Variants in CCL28 observed in about 807,000 individuals in gnomAD.
The protein encoded by CCL28 is C-C motif chemokine 28.
Under a neutral mutation model 7.1 loss-of-function variants are expected in CCL28, and 4 were observed. The observed-to-expected ratio is 0.56, with a 90% confidence interval of 0.28 to 1.29. The LOEUF is 1.29. Ranked by LOEUF, CCL28 falls within the 50% of genes most tolerant of loss-of-function variation. CCL28 has a pLI of 0.11. For synonymous variants in CCL28, 55 were observed against 57.8 expected, an observed-to-expected ratio of 0.95 and a Z score of 0.22; for missense variants, 151 against 163.4, an observed-to-expected ratio of 0.92 and a Z score of 0.41.
chr5:43,357,411 G>C, the CCL28 span, among the ~76,000 whole-genome samples: 2 of 152,210 alleles, frequency 1.3e-5, no homozygotes, highest in African/African-American at 2.4e-5. Context: ...TCCAATTTCA[G>C]TGCAGGGAAG....
intron 1 of CCL28, among the ~76,000 whole-genome samples, chr5:43,396,515 T>C (rs1561162714): frequency 6.6e-6 from 1 of 152,142 alleles, no homozygotes; most frequent in Non-Finnish European, 1.5e-5. Context: ...GACAGAGACC[T>C]TGTCTCTAAT....
At chr5:43,359,680 C>T in the CCL28 span, among the ~76,000 whole-genome samples, 2 of 152,190 alleles carry the variant, frequency 1.3e-5, no homozygotes, top group Non-Finnish European at 1.5e-5. Context: ...TTCTATAATA[C>T]TTTACTGCTC....
intron 1 of CCL28, among the ~76,000 whole-genome samples, chr5:43,407,883 G>GA (rs1349670466): frequency 5.7e-5 from 5 of 87,526 alleles, no homozygotes; most frequent in African/African-American, 3.0e-4. Flanking sequence ...AACAGACCAT[G>GA]AAAAAATGCT....
downstream of CCL28, among the ~76,000 whole-genome samples, chr5:43,372,559 G>A (rs1739803592): frequency 6.6e-6 from 1 of 151,518 alleles, no homozygotes; most frequent in Non-Finnish European, 1.5e-5. Flanking sequence ...AGTAGAGATG[G>A]GGTTTCTCCA....
intron 1 of CCL28, among the ~76,000 whole-genome samples, chr5:43,393,128 C>T (rs906520212): frequency 2.0e-5 from 3 of 152,096 alleles, no homozygotes; most frequent in African/African-American, 7.2e-5. Context: ...AAATTTTTTT[C>T]TCCATTTACA....
chr5:43,361,158 T>G, the CCL28 span, among the ~76,000 whole-genome samples: 1 of 152,244 alleles, frequency 6.6e-6, no homozygotes, highest in Non-Finnish European at 1.5e-5. Context: ...ATCTCATTCC[T>G]TTTTATGGCT....
Position 43,381,804 on chromosome 5 carries a change from CA to C in CCL28, c.*55del, listed in dbSNP as rs1258195608. On this transcript the variant is annotated 3_prime_UTR_variant, in exon 3 of 3. Coordinates refer to ENST00000361115, the MANE Select transcript of CCL28 (RefSeq NM_148672.3). ...AGAATTCAGATGATAAACTTACAAC[CA>C]ATCATGGCCAAGTCCACTTGAGGAA... 17 of 1,401,758 alleles carry C rather than the reference CA, an allele frequency of 1.2e-5. No individual in the cohort carries two copies. The African/African-American group carries it at 2.4e-4, about 20-fold the overall frequency. 86.8% of individuals were successfully genotyped at this position (1,401,758 alleles called of 1,614,324 possible).
chr5:43,411,984 C>T (rs1031466086), intron 1 of CCL28, among the ~76,000 whole-genome samples: 1 of 152,200 alleles, frequency 6.6e-6, no homozygotes, highest in African/African-American at 2.4e-5. Context: ...GAAAAGGAAA[C>T]ATAGCTCGAA....
At chr5:43,387,729 G>A (rs952870919) in intron 2 of CCL28, among the ~76,000 whole-genome samples, 1 of 152,118 alleles carries the variant, frequency 6.6e-6, no homozygotes, top group African/African-American at 2.4e-5. Flanking sequence ...TGGGCTCAAC[G>A]ATCCTCCCAT....
chr5:43,407,325 C>G (rs189329611), intron 1 of CCL28, among the ~76,000 whole-genome samples: 2 of 152,094 alleles, frequency 1.3e-5, no homozygotes, highest in Non-Finnish European at 2.9e-5. Flanking sequence ...ACAGAGTCCT[C>G]GGAAATAATA....
chr5:43,404,649 C>T (rs913197945), intron 1 of CCL28, among the ~76,000 whole-genome samples: 2 of 152,134 alleles, frequency 1.3e-5, no homozygotes, highest in Non-Finnish European at 2.9e-5. Flanking sequence ...ATGAAAATCA[C>T]ACATAACAAT....
intron 1 of CCL28, among the ~76,000 whole-genome samples, chr5:43,388,764 G>A (rs1359517561): frequency 6.6e-6 from 1 of 152,188 alleles, no homozygotes; most frequent in Non-Finnish European, 1.5e-5. Context: ...AAAGATGAAA[G>A]GAGTGAGGTC....
At position 43,381,880 on chromosome 5, in the gene CCL28, CG is replaced by C. The variant is rs756952541; in HGVS notation, c.363del (p.Tyr121Ter). 43 of 1,613,552 alleles carry C rather than the reference CG, an allele frequency of 2.7e-5. No homozygotes were observed. Among genetic ancestry groups the C allele is most frequent in the Non-Finnish European group, 3.5e-5 (41 of 1,179,818 alleles). ...NRAHQGKHET[Y>X]GHKTPY ...ACTCTCTAATAAGGAGTTTTATGGCCGTATGTTTCGTGTTTCCCCTGATGTG... is the reference window on the plus strand; with the variant it reads ...ACTCTCTAATAAGGAGTTTTATGGCCTATGTTTCGTGTTTCCCCTGATGTG... On this transcript the variant is annotated frameshift_variant, in exon 3 of 3. Transcript: ENST00000361115. LOFTEE classifies it high-confidence loss of function.
the CCL28 span, among the ~76,000 whole-genome samples, chr5:43,364,935 T>G: frequency 2.6e-5 from 4 of 152,114 alleles, no homozygotes; most frequent in Non-Finnish European, 4.4e-5. Flanking sequence ...ATCCCTTTAT[T>G]TTGAGCCTAT....
chr5:43,405,770 A>G (rs1170500637), intron 1 of CCL28, among the ~76,000 whole-genome samples: 2 of 152,214 alleles, frequency 1.3e-5, no homozygotes, highest in Non-Finnish European at 2.9e-5. Flanking sequence ...AAATAAGAAA[A>G]GAGACAAGAA....
chr5:43,378,279 AG>A (rs1200551902), downstream of CCL28, among the ~76,000 whole-genome samples: 1 of 152,052 alleles, frequency 6.6e-6, no homozygotes, highest in Admixed American at 6.5e-5. Flanking sequence ...TGAGCTCAAG[AG>A]GTCAAGATTG....
intron 2 of CCL28, among the ~76,000 whole-genome samples, chr5:43,387,764 T>C (rs1219647867): frequency 3.3e-5 from 5 of 152,176 alleles, no homozygotes; most frequent in African/African-American, 9.7e-5. Context: ...TAGCTGGGAC[T>C]ACAGGTGCAT....
Position 43,380,870 on chromosome 5 carries a change from TAAAGAAAAATAA to T in CCL28, c.*978_*989del, listed in dbSNP as rs1740084039. Reference sequence around the variant, plus strand: ...GGAACTTTCTTAGATTGAAAGATATTAAAGAAAAATAACAATTATTTGCAATATGTATGTCAA... The same window carrying T: ...GGAACTTTCTTAGATTGAAAGATATTCAATTATTTGCAATATGTATGTCAA... On this transcript the variant is annotated 3_prime_UTR_variant, in exon 3 of 3. Transcript: ENST00000361115. 8 of 151,992 alleles carry T rather than the reference TAAAGAAAAATAA, an allele frequency of 5.3e-5. No individual in the cohort carries two copies. The highest frequency in any genetic ancestry group is 1.9e-4 in the African/African-American group (8 of 41,448). 9.4% of individuals were successfully genotyped at this position (151,992 alleles called of 1,614,324 possible). A position where few individuals can be genotyped will look rare whatever the true frequency, so the allele number is the denominator to read the frequency against.
At chr5:43,410,496 C>G (rs971212671) in intron 1 of CCL28, among the ~76,000 whole-genome samples, 3 of 152,208 alleles carry the variant, frequency 2.0e-5, no homozygotes, top group African/African-American at 7.2e-5. Flanking sequence ...GGCTCCCTTC[C>G]TTATTATCAC....
Sources: allele counts gnomAD v4.1 joint callset (sites outside exome capture counted in the v4.1 genomes callset), GRCh38; gene constraint gnomAD v4.1.1; transcripts MANE v1.5; gene names NCBI Gene and HGNC (gene_info 2026-07-23, HGNC 2026-07-21).